DDX4: variants seen among roughly 807,000 people sequenced by gnomAD.
The protein encoded by DDX4 is DEAD-box helicase 4, also known as probable ATP-dependent RNA helicase DDX4.
Under a neutral mutation model 100.0 loss-of-function variants are expected in DDX4, and 25 were observed. The ratio of observed to expected loss-of-function variants is 0.25; its 90% CI spans 0.18 to 0.35. The LOEUF (loss-of-function observed/expected upper bound fraction) is 0.35. DDX4 is among the 10% of genes least tolerant of loss of function. DDX4 has a pLI of 1.00. For missense variants in DDX4, 635 were observed against 882.4 expected (o/e 0.72, Z 3.55); for synonymous variants, 259 against 275.7 (o/e 0.94, Z 0.60).
chr5:55,803,196 GTGT>G (rs1328544525), intron 18 of DDX4, among the ~76,000 whole-genome samples: 1 of 151,168 alleles, frequency 6.6e-6, no homozygotes, highest in African/African-American at 2.4e-5. Flanking sequence ...AGAACATGTG[GTGT>G]TTGTTTTTTT....
intron 7 of DDX4, among the ~76,000 whole-genome samples, chr5:55,775,476 G>A (rs919039610): frequency 6.6e-6 from 1 of 152,142 alleles, no homozygotes; most frequent in East Asian, 1.9e-4. Context: ...GATTTCTAGA[G>A]TTTGGAAAAA....
intron 2 of DDX4, among the ~76,000 whole-genome samples, chr5:55,744,243 C>T (rs1759133926): frequency 1.3e-5 from 2 of 152,164 alleles, no homozygotes; most frequent in Admixed American, 1.3e-4. Flanking sequence ...TTGGTGCATT[C>T]TCTCTAGGTT....
chr5:55,768,037 A>G, intron 7 of DDX4, 97 bp downstream of exon 7: 1 of 1,112,252 alleles, frequency 9.0e-7, no homozygotes. Flanking sequence ...ACTGATCGTG[A>G]AAACCTTTGA....
At chr5:55,790,383 T>G (rs1379790766) in intron 15 of DDX4, among the ~76,000 whole-genome samples, 193 bp from the exon 16 acceptor site, 1 of 152,150 alleles carries the variant, frequency 6.6e-6, no homozygotes, top group Non-Finnish European at 1.5e-5. Flanking sequence ...TGACCTCAGG[T>G]GATTTGCCCG....
At chr5:55,756,735 ATTGT>A (rs1201751769) in intron 3 of DDX4, among the ~76,000 whole-genome samples, 2 of 151,940 alleles carry the variant, frequency 1.3e-5, no homozygotes, top group Non-Finnish European at 2.9e-5. Context: ...GTTGTTGGGG[ATTGT>A]GTACACTAAC....
chr5:55,799,832 A>AT (rs1273704148), intron 18 of DDX4, among the ~76,000 whole-genome samples: 1 of 152,044 alleles, frequency 6.6e-6, no homozygotes, highest in Non-Finnish European at 1.5e-5. Context: ...CACACCCTCC[A>AT]TTTTAGTACT....
intron 2 of DDX4, among the ~76,000 whole-genome samples, chr5:55,744,013 TCTTG>T (rs1256356582): frequency 4.0e-4 from 61 of 152,210 alleles, no homozygotes; most frequent in African/African-American, 1.4e-3. Context: ...GGATAATTGT[TCTTG>T]TTTTAATGTC....
At chr5:55,745,263 A>G (rs1759190367) in intron 2 of DDX4, among the ~76,000 whole-genome samples, 1 of 152,140 alleles carries the variant, frequency 6.6e-6, no homozygotes, top group South Asian at 2.1e-4. Flanking sequence ...TTTCTGTAGT[A>G]CTTTTCTAGA....
chr5:55,739,941 A>G (rs184238194), intron 2 of DDX4, among the ~76,000 whole-genome samples: 30 of 152,182 alleles, frequency 2.0e-4, no homozygotes, highest in African/African-American at 7.0e-4. Flanking sequence ...AAGTCTCACT[A>G]TATTGCCCAG....
At chr5:55,761,124 T>C (rs1740514241) in intron 4 of DDX4, among the ~76,000 whole-genome samples, 1 of 152,196 alleles carries the variant, frequency 6.6e-6, no homozygotes, top group Non-Finnish European at 1.5e-5. Context: ...TTGAGTTTTA[T>C]ATTTTGACAT....
At chr5:55,768,666 A>G in intron 7 of DDX4, among the ~76,000 whole-genome samples, 1 of 152,142 alleles carries the variant, frequency 6.6e-6, no homozygotes, top group East Asian at 1.9e-4. Context: ...GCTGGATCGA[A>G]TGGTAGTTCT....
In DDX4 at chr5:55,767,912, A is replaced by G. The variant is rs756155094; in HGVS notation, c.366A>G (p.Thr122=). ...GTAATGACTGCGAAGATAATCCAACACGGAACAGAGGGTTTTCCAAGAGAG... is the reference window on the plus strand; with the variant it reads ...GTAATGACTGCGAAGATAATCCAACGCGGAACAGAGGGTTTTCCAAGAGAG... ...ESSNDCEDNP[T]RNRGFSKRGG... is the part of the protein sequence containing the mutation. The change falls in exon 7 of 22, where the codon ACA becomes ACG. Residue 122 remains threonine (T), a synonymous_variant. Coordinates refer to ENST00000505374, the MANE Select transcript of DDX4 (RefSeq NM_024415.3). The G allele has an allele frequency of 7.4e-6, 12 of 1,613,870 alleles. No individual in the cohort carries two copies. The highest frequency in any genetic ancestry group is 1.7e-5 in the Admixed American group (1 of 59,996).
chr5:55,763,180 G>T lies in DDX4; in HGVS notation c.211G>T (p.Gly71Cys). 1 of 1,608,342 alleles carries T rather than the reference G, an allele frequency of 6.2e-7. No homozygotes were observed. The highest frequency in any genetic ancestry group is 2.2e-5 in the East Asian group (1 of 44,734). Residue 71 changes from glycine to cysteine, a missense_variant, in exon 5 of 22, where the codon GGT becomes TGT. Gly to Cys is a radical substitution (Grantham distance 159). Coordinates refer to ENST00000505374, the MANE Select transcript of DDX4 (RefSeq NM_024415.3). ...AACTGTCCACCCTTTTTCAGATGCT[G>T]GTGAGTGTAATAAGCGAGATAATAC... ...SGRNFGNRDA[G>C]ECNKRDNTST...
At chr5:55,784,610 A>G (rs1742133307) in intron 10 of DDX4, among the ~76,000 whole-genome samples, 1 of 152,134 alleles carries the variant, frequency 6.6e-6, no homozygotes, top group Non-Finnish European at 1.5e-5. Flanking sequence ...TGTGTAAACC[A>G]TTTGTGCATT....
chr5:55,767,931 A>G lies in DDX4; in HGVS notation c.385A>G (p.Lys129Glu), dbSNP rs1487493237. The change falls in exon 7 of 22, where the codon AAG (lysine) becomes GAG (glutamate). Residue 129 changes from lysine to glutamate, a missense_variant. Lys to Glu is a moderately conservative substitution (Grantham distance 56). Transcript: ENST00000505374. ...TCCAACACGGAACAGAGGGTTTTCC[A>G]AGAGAGGCGGTAAGGACCACATTTT... ...DNPTRNRGFS[K>E]RGGYRDGNNS... 6.2e-7 allele frequency: 1 copy of G among 1,613,978 alleles called. No homozygotes were observed. Among genetic ancestry groups the G allele is most frequent in the Non-Finnish European group, 8.5e-7 (1 of 1,179,878 alleles).
intron 19 of DDX4, 103 bp from the exon 20 acceptor site, chr5:55,814,798 C>G (rs1744299469): frequency 7.6e-7 from 1 of 1,309,960 alleles, no homozygotes; most frequent in African/African-American, 1.5e-5. Context: ...CCAAATGCTG[C>G]TATTCATACT....
At position 55,785,812 on chromosome 5, in the gene DDX4, G is replaced by C. The variant is rs760178124; in HGVS notation, c.805G>C (p.Asp269His). 1 of 1,609,222 alleles carries C rather than the reference G, an allele frequency of 6.2e-7. No homozygotes were observed. The highest frequency in any genetic ancestry group is 1.3e-5 in the African/African-American group (1 of 74,790). ...ACATTATCAGACAGGCATAAACTTC[G>C]ACAAATACGACACTATTCTTGTGGA... is the stretch of plus-strand genomic sequence containing the variant. ...FAHYQTGINF[D>H]KYDTILVEVS... The change falls in exon 13 of 22, where the codon GAC becomes CAC. Residue 269 changes from aspartate to histidine, a missense_variant. By Grantham distance (81) the Asp-to-His change is moderately conservative (BLOSUM62 -1). This residue lies in a region of DDX4 where 446 missense variants were observed against 540.8 expected (regional missense o/e 0.82). Coordinates refer to ENST00000505374, the MANE Select transcript of DDX4 (RefSeq NM_024415.3).
At chr5:55,759,060 ATT>A (rs1037501278) in intron 3 of DDX4, among the ~76,000 whole-genome samples, 1 of 148,526 alleles carries the variant, frequency 6.7e-6, no homozygotes, top group Non-Finnish European at 1.5e-5. Flanking sequence ...AGCTACTTAA[ATT>A]TTTTTTTTGG....
Position 55,767,877 on chromosome 5 carries a change from G to T in DDX4, c.335-4G>T, listed in dbSNP as rs1421936040. 1.2e-6 allele frequency: 2 copies of T among 1,608,128 alleles called. No homozygotes were observed. The highest frequency in any genetic ancestry group is 2.7e-5 in the African/African-American group (2 of 74,712). ...GCTATTTACATGTTAAATTTTTATT[G>T]AAGAGTCTAGTAATGACTGCGAAGA... On this transcript the variant is annotated splice_polypyrimidine_tract_variant and splice_region_variant and intron_variant, in intron 6 of 21. Coordinates refer to ENST00000505374, the MANE Select transcript of DDX4 (RefSeq NM_024415.3).
Sources: gnomAD v4.1 joint callset for allele counts (sites outside exome capture counted in the v4.1 genomes callset) on GRCh38, gnomAD v4.1.1 for gene constraint, gnomAD v4.1.1 regional missense constraint, MANE v1.5 for transcripts, NCBI Gene and HGNC (gene_info 2026-07-23, HGNC 2026-07-21) for gene names.